The following CTNNA2 variants were observed in gnomAD, a reference collection of about 807,000 sequenced individuals.
CTNNA2 encodes the protein catenin alpha 2.
In CTNNA2, 42 loss-of-function variants were observed where a neutral mutation model predicts 101.0. The ratio of observed to expected loss-of-function variants is 0.42; its 90% CI spans 0.32 to 0.54. CTNNA2 has a LOEUF of 0.54. Among genes scored for constraint, CTNNA2 ranks in the 20% least tolerant of loss-of-function variants. The pLI is 0.14. For synonymous variants in CTNNA2, 450 were observed against 456.4 expected (o/e 0.99, Z 0.18); for missense variants, 871 against 1,223.1 (o/e 0.71, Z 4.29).
At chr2:79,862,352 T>G (rs534224686) in intron 4 of CTNNA2, among the ~76,000 whole-genome samples, 28 of 152,258 alleles carry the variant, frequency 1.8e-4, no homozygotes, top group African/African-American at 6.7e-4. Flanking sequence ...TGAGACATGA[T>G]GATCTTAACA....
chr2:79,945,424 A>G (rs1688429343), intron 7 of CTNNA2, among the ~76,000 whole-genome samples: 1 of 152,194 alleles, frequency 6.6e-6, no homozygotes, highest in Non-Finnish European at 1.5e-5. Flanking sequence ...TAGGGCAGAA[A>G]AAGACTACTA....
chr2:79,578,708 C>G (rs1675951810), intron 1 of CTNNA2, among the ~76,000 whole-genome samples: 1 of 152,158 alleles, frequency 6.6e-6, no homozygotes, highest in Admixed American at 6.5e-5. Context: ...TTCCTGGACT[C>G]TCTATTCTGT....
chr2:80,513,820 T>A (rs1435795795), intron 9 of CTNNA2, among the ~76,000 whole-genome samples: 1 of 152,234 alleles, frequency 6.6e-6, no homozygotes, highest in East Asian at 1.9e-4. Flanking sequence ...TTAGCAGAAC[T>A]AGTGATACCA....
chr2:79,186,981 C>A (rs748943652), intron 1 of CTNNA2, among the ~76,000 whole-genome samples: 11 of 152,118 alleles, frequency 7.2e-5, no homozygotes, highest in Non-Finnish European at 1.0e-4. Context: ...ACAATGCAAC[C>A]TTCTATTTTT....
At chr2:80,593,720 C>A (rs1373667149) in intron 15 of CTNNA2, among the ~76,000 whole-genome samples, 1 of 152,166 alleles carries the variant, frequency 6.6e-6, no homozygotes, top group East Asian at 1.9e-4. Flanking sequence ...TTGAGTCACA[C>A]AATATTTGTC....
At chr2:80,086,137 T>C (rs1310143616) in intron 7 of CTNNA2, among the ~76,000 whole-genome samples, 1 of 152,044 alleles carries the variant, frequency 6.6e-6, no homozygotes. Flanking sequence ...ACTTTCTTGA[T>C]TAATGAATTT....
intron 7 of CTNNA2, among the ~76,000 whole-genome samples, chr2:80,295,528 G>A (rs760549508): frequency 7.9e-5 from 12 of 152,272 alleles, no homozygotes; most frequent in East Asian, 1.9e-4. Flanking sequence ...AGGAATTCAG[G>A]GGAATTTTAA....
intron 7 of CTNNA2, among the ~76,000 whole-genome samples, chr2:80,080,755 G>A (rs79202050): frequency 0.022 from 3,276 of 152,040 alleles, 121 homozygotes; most frequent in African/African-American, 0.074. Context: ...TGTTTTAAAA[G>A]CTTTTAAAAG....
intron 1 of CTNNA2, among the ~76,000 whole-genome samples, chr2:79,628,064 T>A (rs1232042657): frequency 6.6e-6 from 1 of 152,184 alleles, no homozygotes; most frequent in African/African-American, 2.4e-5. Context: ...TGATTTTAAG[T>A]CATTCTTGAG....
intron 6 of CTNNA2, among the ~76,000 whole-genome samples, chr2:79,901,765 C>T (rs1685081633): frequency 6.6e-6 from 1 of 152,164 alleles, no homozygotes; most frequent in South Asian, 2.1e-4. Context: ...GTCTTTGAAA[C>T]ATAATCTGTG....
At chr2:80,084,733 T>G (rs1392888585) in intron 7 of CTNNA2, among the ~76,000 whole-genome samples, 1 of 152,084 alleles carries the variant, frequency 6.6e-6, no homozygotes, top group Admixed American at 6.6e-5. Context: ...TTTTACTTAC[T>G]CTCTGGTTGG....
intron 2 of CTNNA2, among the ~76,000 whole-genome samples, chr2:79,279,173 C>A (rs1675294917): frequency 6.6e-6 from 1 of 151,888 alleles, no homozygotes; most frequent in Non-Finnish European, 1.5e-5. Context: ...CTATAAAAAC[C>A]CAGCCCTTCC....
In CTNNA2 at chr2:80,010,716, CTT is replaced by C. The variant is rs11298377; in HGVS notation, c.1056+100929_1056+100930del. 4.0e-3 allele frequency among the ~76,000 whole-genome samples: 605 copies of C among 150,352 alleles called. 2 individuals are homozygous for C. Among genetic ancestry groups the C allele is most frequent in the African/African-American group, 0.012 (505 of 40,844 alleles). On this transcript the variant is annotated intron_variant, in intron 7 of 18. Transcript: ENST00000402739. ...AAGTAATTGTGGTTTTTGCCATTCA[CTT>C]TTTTTTTTTCCACAATCACTTTTGC...
chr2:80,316,406 A>C (rs780519244), intron 7 of CTNNA2, among the ~76,000 whole-genome samples: 4 of 152,196 alleles, frequency 2.6e-5, no homozygotes, highest in Non-Finnish European at 4.4e-5. Flanking sequence ...ACCATTACTT[A>C]ACTGGACCTT....
chr2:79,771,980 T>C (rs1673619921), intron 3 of CTNNA2, among the ~76,000 whole-genome samples: 1 of 152,124 alleles, frequency 6.6e-6, no homozygotes, highest in African/African-American at 2.4e-5. Context: ...AATGAGCCTT[T>C]GGATAAGTTA....
chr2:80,457,359 C>T (rs923670328), intron 9 of CTNNA2, among the ~76,000 whole-genome samples: 14 of 151,956 alleles, frequency 9.2e-5, no homozygotes, highest in African/African-American at 3.4e-4. Flanking sequence ...TCACTGTGCC[C>T]GACTGATCGT....
chr2:80,434,765 C>A (rs1226234556), intron 9 of CTNNA2, among the ~76,000 whole-genome samples: 5 of 151,994 alleles, frequency 3.3e-5, no homozygotes, highest in African/African-American at 1.2e-4. Flanking sequence ...AAAAATTAAG[C>A]AGGAGATCAC....
chr2:80,223,136 A>G (rs1017192460), intron 7 of CTNNA2, among the ~76,000 whole-genome samples: 1 of 152,166 alleles, frequency 6.6e-6, no homozygotes, highest in Non-Finnish European at 1.5e-5. Context: ...TGGGCTGTCC[A>G]GTGCACTGGA....
chr2:79,865,345 C>T (rs1681985076), intron 4 of CTNNA2, among the ~76,000 whole-genome samples: 1 of 152,182 alleles, frequency 6.6e-6, no homozygotes. Flanking sequence ...TTCATTCTTT[C>T]ATGCATTTGG....
Sources: allele counts gnomAD v4.1 joint callset (sites outside exome capture counted in the v4.1 genomes callset), GRCh38; gene constraint gnomAD v4.1.1; transcripts MANE v1.5; gene names NCBI Gene and HGNC (gene_info 2026-07-23, HGNC 2026-07-21).